The following PLBD1 variants were observed in gnomAD, a reference collection of about 807,000 sequenced individuals.
PLBD1 encodes lysosomal leucine aminopeptidase.
A neutral mutation model predicts 63.0 loss-of-function variants in PLBD1; 60 were observed. The ratio of observed to expected loss-of-function variants is 0.95; its 90% CI spans 0.77 to 1.18. The LOEUF is 1.18. Among genes scored for constraint, PLBD1 ranks in the 50% most tolerant of loss-of-function variants. PLBD1 has a pLI of 0.00. For missense variants in PLBD1, 598 were observed against 677.9 expected (o/e 0.88, Z 1.31); for synonymous variants, 262 against 248.0 (o/e 1.06, Z -0.53).
chr12:14,553,257 G>C lies in PLBD1; in HGVS notation c.271C>G (p.Gln91Glu). Reference sequence around the variant, plus strand: ...ATGATGATCTCATTGCTCAGGGTTTGAGAGCCATAGCCAGCTCTGATCTCC... The same window carrying C: ...ATGATGATCTCATTGCTCAGGGTTTCAGAGCCATAGCCAGCTCTGATCTCC... ...ILEIRAGYGS[Q>E]TLSNEIIMFV... Residue 91 changes from glutamine to glutamate, a missense_variant, in exon 2 of 11, where the codon CAA becomes GAA. Transcript: ENST00000240617. 1.2e-6 allele frequency: 2 copies of C among 1,614,108 alleles called. No individual in the cohort carries two copies. Among genetic ancestry groups the C allele is most frequent in the Non-Finnish European group, 1.7e-6 (2 of 1,180,012 alleles).
At position 14,553,182 on chromosome 12, in the gene PLBD1, G is replaced by A. The variant is rs1379189515; in HGVS notation, c.335+11C>T. 3 of 1,599,800 alleles carry A rather than the reference G, an allele frequency of 1.9e-6. No individual in the cohort carries two copies. The African/African-American group carries it at 4.0e-5, about 21-fold the overall frequency. ...GCCTGGCAGTGGCTCTACCATGACT[G>A]GGATACTTACGGGGCAGTGAGGTAA... On this transcript the variant is annotated intron_variant, in intron 2 of 10. Coordinates refer to ENST00000240617, the MANE Select transcript of PLBD1 (RefSeq NM_024829.6).
chr12:14,558,384 T>C (rs1040398080), intron 1 of PLBD1, among the ~76,000 whole-genome samples: 1 of 152,116 alleles, frequency 6.6e-6, no homozygotes, highest in Non-Finnish European at 1.5e-5. Context: ...AATTTGACAA[T>C]TGTAGGCAGC....
Position 14,532,764 on chromosome 12 carries a change from T to A in PLBD1, c.844+2895A>T, listed in dbSNP as rs558419978. ...GATGGCTCTGCCACCTTGGTCAGTC[T>A]TGGGCACTAGAAGGGGATTTTGAAA... On this transcript the variant is annotated intron_variant, in intron 6 of 10. Transcript: ENST00000240617. Among the ~76,000 whole-genome samples the A allele has an allele frequency of 2.0e-5, 3 of 152,310 alleles. No individual in the cohort carries two copies. In the South Asian group the frequency reaches 6.2e-4, roughly 32 times the overall value.
intron 1 of PLBD1, chr12:14,554,151 C>T (rs1945682360): frequency 6.6e-6 from 1 of 152,562 alleles, no homozygotes; most frequent in African/African-American, 2.4e-5. Context: ...TAGAAGCTAT[C>T]ACCTGTGACT....
At chr12:14,547,946 C>T (rs1348285570) in intron 2 of PLBD1, among the ~76,000 whole-genome samples, 3 of 152,064 alleles carry the variant, frequency 2.0e-5, no homozygotes, top group Non-Finnish European at 2.9e-5. Flanking sequence ...TGACTTTCAG[C>T]TAGTTACCTA....
chr12:14,536,792 A>T, intron 4 of PLBD1, 82 bp from the exon 5 acceptor site: 1 of 1,543,836 alleles, frequency 6.5e-7, no homozygotes, highest in East Asian at 2.3e-5. Flanking sequence ...GGACCCATTA[A>T]ATTATTCCCT....
At chr12:14,559,233 T>G (rs1447569081) in intron 1 of PLBD1, among the ~76,000 whole-genome samples, 4 of 152,254 alleles carry the variant, frequency 2.6e-5, no homozygotes, top group Non-Finnish European at 4.4e-5. Context: ...GCGGACTGTT[T>G]CTGCTTAACA....
intron 5 of PLBD1, 46 bp downstream of exon 5, chr12:14,536,524 A>G (rs772273668): frequency 3.8e-6 from 6 of 1,598,784 alleles, no homozygotes; most frequent in Middle Eastern, 1.7e-4. Flanking sequence ...ATATAGAAAA[A>G]GTCTGTATGA....
rs1266826464 is a variant in PLBD1 at position 14,535,788 on chromosome 12, CA to C, written c.714del (p.Phe238LeufsTer29). Reference sequence around the variant, plus strand: ...CTTGAGTGAGCAAAAAGGATGTTCTCAAATCCAGGAAGAACCTACAGCCAGA... The same window carrying C: ...CTTGAGTGAGCAAAAAGGATGTTCTCAATCCAGGAAGAACCTACAGCCAGA... ...CSALIKVLPG[F>X]ENILFAHSSW... On this transcript the variant is annotated frameshift_variant, in exon 6 of 11. Coordinates refer to ENST00000240617, the MANE Select transcript of PLBD1 (RefSeq NM_024829.6). LOFTEE classifies it high-confidence loss of function. The C allele has an allele frequency of 1.2e-6, 2 of 1,613,704 alleles. No homozygotes were observed. The highest frequency in any genetic ancestry group is 1.7e-6 in the Non-Finnish European group (2 of 1,179,912).
intron 1 of PLBD1, among the ~76,000 whole-genome samples, chr12:14,559,920 G>T (rs891924880): frequency 6.6e-6 from 1 of 151,612 alleles, no homozygotes; most frequent in Non-Finnish European, 1.5e-5. Context: ...GAGTGCAATG[G>T]TGCGATCTTG....
At chr12:14,566,215 A>G (rs1298916521) in intron 1 of PLBD1, among the ~76,000 whole-genome samples, 1 of 152,224 alleles carries the variant, frequency 6.6e-6, no homozygotes, top group Non-Finnish European at 1.5e-5. Context: ...GTAGACACCA[A>G]GGCCACCTCC....
At position 14,542,207 on chromosome 12, in the gene PLBD1, C is replaced by G. The variant is rs761943379; in HGVS notation, c.419+1G>C. The stretch of plus-strand genomic sequence containing the variant: ...GAAAAGAGAAAAGCTATTATACGTA[C>G]TCCATAAAATCCTGCACTTTATCCA... On this transcript the variant is annotated splice_donor_variant, in intron 3 of 10. Coordinates refer to ENST00000240617, the MANE Select transcript of PLBD1 (RefSeq NM_024829.6). LOFTEE classifies it high-confidence loss of function. The G allele has an allele frequency of 1.3e-4, 209 of 1,590,856 alleles. 1 individual carries two copies. Among genetic ancestry groups the G allele is most frequent in the South Asian group, 1.1e-3 (101 of 90,552 alleles).
At chr12:14,516,113 A>G (rs1945335002) in intron 6 of PLBD1, among the ~76,000 whole-genome samples, 1 of 147,624 alleles carries the variant, frequency 6.8e-6, no homozygotes, top group African/African-American at 2.5e-5. Context: ...GGTGGATCAC[A>G]AGGTCAGGAG....
intron 10 of PLBD1, 74 bp downstream of exon 10, chr12:14,506,088 A>G: frequency 1.0e-6 from 1 of 1,000,696 alleles, no homozygotes; most frequent in Non-Finnish European, 1.5e-6. Flanking sequence ...CTGCCATAAA[A>G]ACCTGTGCAA....
rs1047160337 is a variant in PLBD1, at chr12:14,567,575, T to C, written c.115+7A>G. 73 of 1,496,140 alleles carry C rather than the reference T, an allele frequency of 4.9e-5. No individual in the cohort carries two copies. In the African/African-American group the frequency reaches 9.9e-4, roughly 20 times the overall value. 92.7% of individuals were successfully genotyped at this position (1,496,140 alleles called of 1,614,324 possible). A position where few individuals can be genotyped will look rare whatever the true frequency, so the allele number is the denominator to read the frequency against. ...GGCGCCCCCCGCCCAGGGCGCGCTC[T>C]GCTCACCTGCAGGTTTCGGCGGCTC... On this transcript the variant is annotated splice_region_variant and intron_variant, in intron 1 of 10. Coordinates refer to ENST00000240617, the MANE Select transcript of PLBD1 (RefSeq NM_024829.6).
intron 4 of PLBD1, among the ~76,000 whole-genome samples, chr12:14,539,332 C>A (rs1043414905): frequency 3.9e-5 from 6 of 152,072 alleles, no homozygotes; most frequent in African/African-American, 1.4e-4. Flanking sequence ...AATCTCATCT[C>A]TCTCCTTTCC....
At chr12:14,541,987 G>A (rs537381416) in intron 3 of PLBD1, among the ~76,000 whole-genome samples, 7 of 152,278 alleles carry the variant, frequency 4.6e-5, no homozygotes, top group African/African-American at 1.4e-4. Flanking sequence ...TTGAGTATGC[G>A]ATATTCAACT....
rs759241417 is a variant in PLBD1, at chr12:14,506,989, C to T, written c.1316G>A (p.Arg439His). 44 of 1,613,910 alleles carry T rather than the reference C, an allele frequency of 2.7e-5. No individual in the cohort carries two copies. Among genetic ancestry groups the T allele is most frequent in the Admixed American group, 5.0e-5 (3 of 59,976 alleles). ...CGTATCAGTCACTTTCCCTTGGTCA[C>T]GCCGGAAAATTTTGGCTCGTGGAGC... ...DLAPRAKIFR[R>H]DQGKVTDTAS... The change falls in exon 9 of 11, where the codon CGT (arginine) becomes CAT (histidine). Residue 439 changes from arginine to histidine, a missense_variant. Coordinates refer to ENST00000240617, the MANE Select transcript of PLBD1 (RefSeq NM_024829.6).
At chr12:14,558,717 T>C (rs1945726060) in intron 1 of PLBD1, among the ~76,000 whole-genome samples, 1 of 152,140 alleles carries the variant, frequency 6.6e-6, no homozygotes, top group South Asian at 2.1e-4. Context: ...TCCAATCAAC[T>C]CCTTTTTGCT....
Sources: allele counts gnomAD v4.1 joint callset (sites outside exome capture counted in the v4.1 genomes callset), GRCh38; gene constraint gnomAD v4.1.1; transcripts MANE v1.5; gene names NCBI Gene and HGNC (gene_info 2026-07-23, HGNC 2026-07-21).